The following GGNBP2 variants were observed in gnomAD, a reference collection of about 807,000 sequenced individuals.
GGNBP2 encodes the protein gametogenetin-binding protein 2.
A neutral mutation model predicts 85.9 loss-of-function variants in GGNBP2; 10 were observed. The observed-to-expected ratio is 0.12, with a 90% CI of 0.07 to 0.20. GGNBP2 has a LOEUF of 0.20. Ranked by LOEUF, GGNBP2 falls within the 10% of genes least tolerant of loss-of-function variation. The pLI, the probability that GGNBP2 is intolerant of heterozygous loss-of-function variation, is 1.00. For missense variants in GGNBP2, 595 were observed against 857.8 expected (o/e 0.69, Z 3.83); for synonymous variants, 287 against 285.7 (o/e 1.00, Z -0.05).
At chr17:36,579,803 G>C (rs1297509720) in intron 8 of GGNBP2, among the ~76,000 whole-genome samples, 2 of 152,132 alleles carry the variant, frequency 1.3e-5, no homozygotes, top group Non-Finnish European at 2.9e-5. Context: ...CTGAGGTCAG[G>C]AGTTTGAGAC....
intron 13 of GGNBP2, among the ~76,000 whole-genome samples, chr17:36,587,964 T>C (rs1490059727): frequency 6.6e-6 from 1 of 152,240 alleles, no homozygotes; most frequent in Admixed American, 6.5e-5. Flanking sequence ...GAGGTAGCAT[T>C]GTATTCAGTA....
chr17:36,575,649 T>TATATATATATATA (rs1491168966), intron 6 of GGNBP2, among the ~76,000 whole-genome samples: 10 of 37,824 alleles, frequency 2.6e-4, no homozygotes, highest in African/African-American at 1.0e-3. Context: ...TATATATATA[T>TATATATATATATA]TTTTTTTTTT....
At chr17:36,549,457 C>T (rs1199861575) in intron 2 of GGNBP2, among the ~76,000 whole-genome samples, 8 of 152,286 alleles carry the variant, frequency 5.3e-5, no homozygotes, top group East Asian at 3.9e-4. Flanking sequence ...CTGTCCGCCT[C>T]GGCCTCCCAA....
chr17:36,562,947 CTG>C (rs2074432846), intron 5 of GGNBP2, among the ~76,000 whole-genome samples: 1 of 85,510 alleles, frequency 1.2e-5, no homozygotes, highest in Non-Finnish European at 2.0e-5. Flanking sequence ...GAGCGAGACT[CTG>C]TCTCAAAAAA....
intron 8 of GGNBP2, among the ~76,000 whole-genome samples, chr17:36,580,518 C>T (rs540223137): frequency 1.3e-5 from 2 of 151,888 alleles, no homozygotes; most frequent in South Asian, 2.1e-4. Context: ...AGCCCTTACT[C>T]GTTTTCTCTT....
Position 36,545,872 on chromosome 17 carries a change from C to T in GGNBP2, c.93+55C>T, listed in dbSNP as rs561388556. 4.6e-5 allele frequency: 57 copies of T among 1,229,252 alleles called. No homozygotes were observed. In the East Asian group the frequency reaches 9.9e-4, roughly 21 times the overall value. 76.1% of individuals were successfully genotyped at this position (1,229,252 alleles called of 1,614,324 possible). A position where few individuals can be genotyped will look rare whatever the true frequency, so the allele number is the denominator to read the frequency against. ...CGCTCCCCTGGCAGCTGTTTCCCCT[C>T]CTCCCCCTCCCCCAGGCCGAGCGCT... On this transcript the variant is annotated intron_variant, in intron 2 of 13. Coordinates refer to ENST00000613102, the MANE Select transcript of GGNBP2 (RefSeq NM_024835.5).
intron 6 of GGNBP2, among the ~76,000 whole-genome samples, chr17:36,570,796 A>AG (rs1555606662): frequency 1.3e-5 from 2 of 151,994 alleles, no homozygotes; most frequent in African/African-American, 4.8e-5. Context: ...TGAAATGGGC[A>AG]GATCACATGA....
intron 4 of GGNBP2, among the ~76,000 whole-genome samples, chr17:36,560,216 C>T (rs1379233183): frequency 2.0e-5 from 3 of 152,108 alleles, no homozygotes; most frequent in African/African-American, 7.2e-5. Context: ...CCTCAGCCTT[C>T]CAAAGTGCTG....
chr17:36,587,177 G>A lies in GGNBP2; in HGVS notation c.1822G>A (p.Ala608Thr). The A allele has an allele frequency of 6.2e-7, 1 of 1,614,120 alleles. No individual in the cohort carries two copies. The highest frequency in any genetic ancestry group is 1.6e-4 in the Middle Eastern group (1 of 6,062). ...GCATAGGAAAAATGTACCACAGTTT[G>A]CAGAACCTACAGAAACGTTGTTTGG... ...FEHRKNVPQF[A>T]EPTETLFGPD... Residue 608 changes from alanine (A) to threonine (T), a missense_variant, in exon 13 of 14, where the codon GCA becomes ACA. Ala to Thr is a moderately conservative substitution (Grantham distance 58). This residue lies in a region of GGNBP2 where 120 missense variants were observed against 126.3 expected (regional missense o/e 0.95). Transcript: ENST00000613102.
intron 4 of GGNBP2, among the ~76,000 whole-genome samples, chr17:36,558,612 C>T (rs192908292): frequency 1.3e-5 from 2 of 151,288 alleles, no homozygotes; most frequent in East Asian, 2.0e-4. Context: ...CCCACTACCA[C>T]GCTTGACTTT....
chr17:36,554,824 T>G lies in GGNBP2; in HGVS notation c.98T>G (p.Val33Gly). Reference sequence around the variant, plus strand: ...CCGTTCTGTTTGCATTTTAAGATGGTGATGGAATTTCCTGATAATGTGTTA... The same window carrying G: ...CCGTTCTGTTTGCATTTTAAGATGGGGATGGAATTTCCTGATAATGTGTTA... ...PLYIDDTLTM[V>G]MEFPDNVLNL... The change falls in exon 3 of 14, where the codon GTG becomes GGG. Residue 33 changes from valine to glycine, a missense_variant. Val to Gly is a moderately radical substitution (Grantham distance 109, BLOSUM62 -3). Coordinates refer to ENST00000613102, the MANE Select transcript of GGNBP2 (RefSeq NM_024835.5). 6.3e-7 allele frequency: 1 copy of G among 1,591,978 alleles called. No individual in the cohort carries two copies. Among genetic ancestry groups the G allele is most frequent in the Non-Finnish European group, 8.6e-7 (1 of 1,159,868 alleles).
intron 4 of GGNBP2, among the ~76,000 whole-genome samples, chr17:36,558,554 C>A (rs1047755314): frequency 2.0e-5 from 3 of 151,200 alleles, no homozygotes; most frequent in African/African-American, 7.3e-5. Flanking sequence ...CTCCCGGGTT[C>A]AAGCGATTCT....
chr17:36,579,808 T>A (rs760296873), intron 8 of GGNBP2, among the ~76,000 whole-genome samples: 3 of 152,044 alleles, frequency 2.0e-5, no homozygotes, highest in African/African-American at 7.2e-5. Flanking sequence ...GTCAGGAGTT[T>A]GAGACCAGCC....
At chr17:36,548,682 G>A (rs1313601849) in intron 2 of GGNBP2, among the ~76,000 whole-genome samples, 1 of 138,700 alleles carries the variant, frequency 7.2e-6, no homozygotes, top group Non-Finnish European at 1.5e-5. Context: ...TGTGGCTCAT[G>A]CCTGTAATCC....
intron 1 of GGNBP2, 38 bp from the exon 2 acceptor site, chr17:36,545,581 C>G (rs1021837983): frequency 1.6e-6 from 1 of 636,144 alleles, no homozygotes; most frequent in South Asian, 1.8e-5. Context: ...TGCTGCGCAG[C>G]GGCGGGTGCT....
chr17:36,585,510 T>A, intron 10 of GGNBP2, 60 bp downstream of exon 10: 8 of 1,176,646 alleles, frequency 6.8e-6, no homozygotes, highest in Non-Finnish European at 8.5e-6. Context: ...TACTGTTAAA[T>A]GTAAGAGCTT....
intron 5 of GGNBP2, among the ~76,000 whole-genome samples, chr17:36,562,441 T>C (rs1017827941): frequency 2.0e-5 from 3 of 151,610 alleles, no homozygotes; most frequent in African/African-American, 7.3e-5. Flanking sequence ...AGTGCTGGGA[T>C]TACAGGCGTG....
chr17:36,571,063 G>A (rs2074519280), intron 6 of GGNBP2, among the ~76,000 whole-genome samples: 1 of 152,122 alleles, frequency 6.6e-6, no homozygotes, highest in South Asian at 2.1e-4. Context: ...TACTACACTT[G>A]ATCTTAGTCA....
At chr17:36,553,122 C>A (rs1283520108) in intron 2 of GGNBP2, among the ~76,000 whole-genome samples, 3 of 151,760 alleles carry the variant, frequency 2.0e-5, no homozygotes, top group Non-Finnish European at 4.4e-5. Context: ...TCTTCCCCTG[C>A]CATAATATAT....
Sources: gnomAD v4.1 joint callset for allele counts (sites outside exome capture counted in the v4.1 genomes callset) on GRCh38, gnomAD v4.1.1 for gene constraint, gnomAD v4.1.1 regional missense constraint, MANE v1.5 for transcripts, NCBI Gene and HGNC (gene_info 2026-07-23, HGNC 2026-07-21) for gene names.